The following CLVS1 variants were observed in gnomAD, a reference collection of about 807,000 sequenced individuals.
CLVS1 encodes the protein clavesin 1.
A neutral mutation model predicts 33.1 loss-of-function variants in CLVS1; 10 were observed. That is an observed-to-expected ratio of 0.30 (90% CI 0.19 to 0.51). The LOEUF is 0.51. CLVS1 is among the 20% of genes least tolerant of loss of function. The pLI is 0.97. For missense variants in CLVS1, 343 were observed against 433.4 expected (o/e 0.79, Z 1.85); for synonymous variants, 163 against 166.1 (o/e 0.98, Z 0.14).
intron 5 of CLVS1, among the ~76,000 whole-genome samples, chr8:61,495,979 T>C (rs1478343794): frequency 6.6e-6 from 1 of 152,086 alleles, no homozygotes; most frequent in African/African-American, 2.4e-5. Context: ...CTCTGGTGGC[T>C]CCAGGAGAAA....
intron 1 of CLVS1, among the ~76,000 whole-genome samples, chr8:61,058,737 T>C (rs1481209250): frequency 6.6e-6 from 1 of 152,206 alleles, no homozygotes; most frequent in Admixed American, 6.5e-5. Flanking sequence ...CTTTGATCTG[T>C]TTTCTGTTAT....
At chr8:61,268,172 C>A (rs1333122340) in intron 2 of CLVS1, among the ~76,000 whole-genome samples, 1 of 134,840 alleles carries the variant, frequency 7.4e-6, no homozygotes, top group African/African-American at 2.8e-5. Context: ...CCCCCTCCCC[C>A]CACCCCACAA....
intron 1 of CLVS1, among the ~76,000 whole-genome samples, chr8:61,085,141 G>A (rs1805095075): frequency 6.6e-6 from 1 of 152,214 alleles, no homozygotes; most frequent in Non-Finnish European, 1.5e-5. Context: ...AGGGAGCAAT[G>A]TCCTGCCAGT....
At chr8:61,368,575 G>T (rs546369278) in intron 2 of CLVS1, among the ~76,000 whole-genome samples, 120 of 152,244 alleles carry the variant, frequency 7.9e-4, no homozygotes, top group African/African-American at 2.8e-3. Context: ...TCCATATATT[G>T]TTGCCATACT....
chr8:61,154,042 C>A (rs2129295371), intron 2 of CLVS1, among the ~76,000 whole-genome samples: 1 of 152,286 alleles, frequency 6.6e-6, no homozygotes, highest in East Asian at 1.9e-4. Context: ...ACACCACTTT[C>A]TTCTTCCCCA....
intron 1 of CLVS1, among the ~76,000 whole-genome samples, chr8:61,072,640 T>G (rs181293698): frequency 6.6e-6 from 1 of 152,222 alleles, no homozygotes; most frequent in East Asian, 1.9e-4. Flanking sequence ...AGAAAACCAA[T>G]GTAAACACAG....
At chr8:61,119,233 T>G (rs1049151286) in intron 1 of CLVS1, among the ~76,000 whole-genome samples, 1 of 152,132 alleles carries the variant, frequency 6.6e-6, no homozygotes, top group African/African-American at 2.4e-5. Context: ...TGGTAGATCT[T>G]CCTCCATCCT....
At chr8:61,090,152 C>G (rs1805208532) in intron 1 of CLVS1, among the ~76,000 whole-genome samples, 2 of 152,196 alleles carry the variant, frequency 1.3e-5, no homozygotes, top group Non-Finnish European at 2.9e-5. Context: ...GGAGATATAT[C>G]ACAGTTGAAA....
the CLVS1 span, among the ~76,000 whole-genome samples, chr8:61,025,019 T>C: frequency 1.3e-5 from 2 of 152,120 alleles, no homozygotes; most frequent in African/African-American, 2.4e-5. Context: ...GGCTAATTTT[T>C]TGTATTTTTA....
chr8:61,073,376 A>G (rs1412622898), intron 1 of CLVS1, among the ~76,000 whole-genome samples: 3 of 152,180 alleles, frequency 2.0e-5, no homozygotes, highest in Non-Finnish European at 1.5e-5. Flanking sequence ...TTTTTCTAAT[A>G]GCTTCTAAAA....
At chr8:61,315,878 T>C (rs1309432612) in intron 2 of CLVS1, among the ~76,000 whole-genome samples, 1 of 152,112 alleles carries the variant, frequency 6.6e-6, no homozygotes, top group African/African-American at 2.4e-5. Flanking sequence ...ATCCCTCCCC[T>C]AGCCCCCAAC....
chr8:60,967,516 C>T, the CLVS1 span: 5 of 383,388 alleles, frequency 1.3e-5, no homozygotes, highest in African/African-American at 4.2e-5. Flanking sequence ...GTAGCCAGAC[C>T]CCAGCAGAAG....
intron 2 of CLVS1, among the ~76,000 whole-genome samples, chr8:61,191,696 A>G (rs1352385919): frequency 6.6e-6 from 1 of 152,088 alleles, no homozygotes; most frequent in African/African-American, 2.4e-5. Flanking sequence ...AAAAAAATCA[A>G]TGTGCAAAAA....
chr8:61,393,336 G>T (rs141654464), intron 3 of CLVS1, among the ~76,000 whole-genome samples: 1 of 151,470 alleles, frequency 6.6e-6, no homozygotes, highest in Non-Finnish European at 1.5e-5. Context: ...TCTTTAAGTC[G>T]GTTTTCACCT....
At position 61,499,807 on chromosome 8, in the gene CLVS1, T is replaced by A. The variant is rs1297790253; in HGVS notation, c.*265T>A. On this transcript the variant is annotated 3_prime_UTR_variant, in exon 6 of 6. Transcript: ENST00000325897. Reference sequence around the variant, plus strand: ...TATGTAAAAAAGATTCTCCCTCCTTTCATATTTATTGTAGTAAATTGAAAA... The same window carrying A: ...TATGTAAAAAAGATTCTCCCTCCTTACATATTTATTGTAGTAAATTGAAAA... The A allele has an allele frequency of 1.5e-5, 4 of 268,190 alleles. No homozygotes were observed. The highest frequency in any genetic ancestry group is 2.8e-5 in the Non-Finnish European group (4 of 140,746). 16.6% of individuals were successfully genotyped at this position (268,190 alleles called of 1,614,324 possible). A position where few individuals can be genotyped will look rare whatever the true frequency, so the allele number is the denominator to read the frequency against.
At chr8:61,005,525 C>T in the CLVS1 span, among the ~76,000 whole-genome samples, 2 of 152,114 alleles carry the variant, frequency 1.3e-5, no homozygotes, top group Non-Finnish European at 2.9e-5. Flanking sequence ...ACATGGACGC[C>T]TGCCTCCAAC....
rs1167743712 is a variant in CLVS1, at chr8:61,357,494, C to CTTTTTTTT, written c.456-19090_456-19083dup. Among the ~76,000 whole-genome samples the CTTTTTTTT allele has an allele frequency of 2.9e-3, 75 of 25,806 alleles. 5 individuals carry two copies. The highest frequency in any genetic ancestry group is 3.8e-3 in the African/African-American group (38 of 10,080). 16.9% of individuals were successfully genotyped at this position (25,806 alleles called of 152,430 possible). A position where few individuals can be genotyped will look rare whatever the true frequency, so the allele number is the denominator to read the frequency against. ...CTTCTTTTTCTTTCCTTTTTCTTTTCTTTTTTTTTTTTTTTTTTTTTTTTT... is the reference window on the plus strand; with the variant it reads ...CTTCTTTTTCTTTCCTTTTTCTTTTCTTTTTTTTTTTTTTTTTTTTTTTTTTTTTTTTT... On this transcript the variant is annotated intron_variant, in intron 2 of 5. Coordinates refer to ENST00000325897, the MANE Select transcript of CLVS1 (RefSeq NM_173519.3).
chr8:61,053,094 GC>G (rs1416530285), upstream of CLVS1, among the ~76,000 whole-genome samples: 1 of 152,222 alleles, frequency 6.6e-6, no homozygotes, highest in Non-Finnish European at 1.5e-5. Context: ...CAGGAAAGGA[GC>G]TATGTTTAAT....
intron 2 of CLVS1, 88 bp downstream of exon 2, chr8:61,300,370 G>GGGC: frequency 8.7e-7 from 1 of 1,145,726 alleles, no homozygotes; most frequent in Non-Finnish European, 1.2e-6. Context: ...TATATGTAAT[G>GGGC]GGCTTTCATT....
Sources: gnomAD v4.1 joint callset for allele counts (sites outside exome capture counted in the v4.1 genomes callset) on GRCh38, gnomAD v4.1.1 for gene constraint, MANE v1.5 for transcripts, NCBI Gene and HGNC (gene_info 2026-07-23, HGNC 2026-07-21) for gene names.